Variants in DMD observed in about 807,000 individuals in gnomAD.
The protein encoded by DMD is dystrophin, also known as mutant dystrophin.
DMD carries 63 observed loss-of-function variants against 330.1 expected under a neutral mutation model. The ratio of observed to expected loss-of-function variants is 0.19; its 90% confidence interval spans 0.16 to 0.24. The LOEUF (loss-of-function observed/expected upper bound fraction) is 0.24, where lower values mean the gene tolerates loss of function less well. Ranked by LOEUF, DMD falls within the 10% of genes least tolerant of loss-of-function variation. DMD has a pLI of 1.00. For missense variants in DMD, 3,344 were observed against 2,684.1 expected (o/e 1.25, Z -5.43); for synonymous variants, 1,223 against 959.8 (o/e 1.27, Z -5.07).
In DMD at chrX:32,707,100, T is replaced by TAA. The variant is rs3838946; in HGVS notation, c.650-7809_650-7808dup. On this transcript the variant is annotated intron_variant, in intron 7 of 78. Coordinates refer to ENST00000357033, the MANE Select transcript of DMD (RefSeq NM_004006.3). Reference sequence around the variant, plus strand: ...GAGCAAGACTCCGTCTCGGAGGGGGTAAAAAAAAATCTATATTGAAAATAT... The same window carrying TAA: ...GAGCAAGACTCCGTCTCGGAGGGGGTAAAAAAAAAAATCTATATTGAAAATAT... 9.1e-3 allele frequency among the ~76,000 whole-genome samples: 982 copies of TAA among 107,752 alleles called. 10 individuals are homozygous for TAA. Among genetic ancestry groups the TAA allele is most frequent in the African/African-American group, 0.032 (946 of 29,248 alleles). 93.6% of individuals were successfully genotyped at this position (107,752 alleles called of 115,157 possible). A position where few individuals can be genotyped will look rare whatever the true frequency, so the allele number is the denominator to read the frequency against.
rs768197729 is a variant in DMD, at chrX:32,734,834, A to C, written c.650-35541T>G. ...TACTGAATGGGCAAAAACTGGAAGC[A>C]TTCCCTTTGAAAACTGGCACAAGAC... On this transcript the variant is annotated intron_variant, in intron 7 of 78. Transcript: ENST00000357033. Among the ~76,000 whole-genome samples the C allele has an allele frequency of 7.4e-3, 772 of 103,931 alleles. 7 individuals carry two copies. Among genetic ancestry groups the C allele is most frequent in the African/African-American group, 0.028 (743 of 26,633 alleles). 90.3% of individuals were successfully genotyped at this position (103,931 alleles called of 115,157 possible). A position where few individuals can be genotyped will look rare whatever the true frequency, so the allele number is the denominator to read the frequency against.
intron 44 of DMD, among the ~76,000 whole-genome samples, chrX:32,204,986 C>CTCTCTCTCTCTCTG: frequency 2.1e-5 from 1 of 46,640 alleles, no homozygotes; most frequent in African/African-American, 9.3e-5. Context: ...ATCTCTCTCT[C>CTCTCTCTCTCTCTG]TCTCTCTCTC....
intron 7 of DMD, among the ~76,000 whole-genome samples, chrX:32,785,991 C>A (rs976204235): frequency 1.8e-5 from 2 of 109,670 alleles, no homozygotes; most frequent in African/African-American, 6.6e-5. Flanking sequence ...CTTTGATTAA[C>A]AACTACAACA....
intron 51 of DMD, among the ~76,000 whole-genome samples, chrX:31,746,635 C>T (rs759165532): frequency 6.0e-4 from 67 of 111,313 alleles, no homozygotes; most frequent in African/African-American, 2.0e-3. Context: ...GAGGTTTCAG[C>T]CTTCTGATTT....
chrX:32,732,194 A>G (rs1479954507), intron 7 of DMD, among the ~76,000 whole-genome samples: 1 of 111,179 alleles, frequency 9.0e-6, no homozygotes, highest in Admixed American at 9.6e-5. Context: ...AAATGAACCG[A>G]GAAGGGAAGT....
At chrX:33,327,034 T>C (rs979137485) in intron 1 of DMD, among the ~76,000 whole-genome samples, 3 of 112,467 alleles carry the variant, frequency 2.7e-5, no homozygotes, top group African/African-American at 9.7e-5. Context: ...GCTTTATACA[T>C]TTAAGGAATT....
At chrX:33,164,505 C>T (rs2048957463) in intron 1 of DMD, among the ~76,000 whole-genome samples, 1 of 111,687 alleles carries the variant, frequency 9.0e-6, no homozygotes, top group East Asian at 2.8e-4. Context: ...CGTAAACTTC[C>T]GGGCTTACTT....
At chrX:32,572,972 C>T (rs775678837) in intron 15 of DMD, among the ~76,000 whole-genome samples, 1 of 111,276 alleles carries the variant, frequency 9.0e-6, no homozygotes. Flanking sequence ...CACTGGCTCC[C>T]CTTCTCCTTC....
At chrX:31,562,916 G>T (rs1392302521) in intron 55 of DMD, among the ~76,000 whole-genome samples, 2 of 111,881 alleles carry the variant, frequency 1.8e-5, no homozygotes, top group African/African-American at 6.5e-5. Context: ...TTCTTACATT[G>T]CATAAGCTAG....
At chrX:32,123,462 C>T (rs1028452578) in intron 44 of DMD, among the ~76,000 whole-genome samples, 1 of 107,286 alleles carries the variant, frequency 9.3e-6, no homozygotes, top group African/African-American at 3.4e-5. Flanking sequence ...CTGGGACCCA[C>T]ACTTTGAAAA....
At chrX:31,144,188 C>T (rs1214404616) in intron 76 of DMD, among the ~76,000 whole-genome samples, 2 of 111,984 alleles carry the variant, frequency 1.8e-5, no homozygotes, top group African/African-American at 6.5e-5. Context: ...AACTTCATCA[C>T]ATTTATTTCA....
intron 41 of DMD, among the ~76,000 whole-genome samples, chrX:32,329,588 G>A (rs961196374): frequency 8.9e-6 from 1 of 112,084 alleles, no homozygotes; most frequent in African/African-American, 3.2e-5. Context: ...AAAATATAGT[G>A]ACCGATATTA....
At chrX:31,401,448 A>C (rs902214025) in intron 60 of DMD, among the ~76,000 whole-genome samples, 1 of 112,444 alleles carries the variant, frequency 8.9e-6, no homozygotes, top group East Asian at 2.8e-4. Flanking sequence ...ATTTATCTGC[A>C]ACAATGAGTA....
intron 29 of DMD, among the ~76,000 whole-genome samples, chrX:32,434,742 T>C (rs1438125923): frequency 8.9e-6 from 1 of 111,915 alleles, no homozygotes; most frequent in East Asian, 2.8e-4. Flanking sequence ...TTGAAATTGA[T>C]CAAAGTGCTG....
At chrX:33,232,337 T>A (rs1019126677) in intron 1 of DMD, among the ~76,000 whole-genome samples, 3 of 112,003 alleles carry the variant, frequency 2.7e-5, no homozygotes, top group African/African-American at 9.7e-5. Context: ...TAATAAATAT[T>A]TGTTCAATAT....
chrX:32,279,139 C>T (rs2097402739), intron 43 of DMD, among the ~76,000 whole-genome samples: 1 of 111,561 alleles, frequency 9.0e-6, no homozygotes, highest in African/African-American at 3.3e-5. Context: ...ATTAAAACGA[C>T]ATATCCAAAA....
rs182374462 is a variant in DMD, at chrX:31,963,844, G to T, written c.6614+4495C>A. The stretch of plus-strand genomic sequence containing the variant: ...GCCAGCTGGTAAATGTTAAGATCAT[G>T]TCAGATTAGGAAAACCTCCATTTTG... On this transcript the variant is annotated intron_variant, in intron 45 of 78. Coordinates refer to ENST00000357033, the MANE Select transcript of DMD (RefSeq NM_004006.3). Among the ~76,000 whole-genome samples, 724 of 89,126 alleles carry T rather than the reference G, an allele frequency of 8.1e-3. 5 individuals are homozygous for T. The highest frequency in any genetic ancestry group is 0.01 in the Non-Finnish European group (487 of 46,913). 77.4% of individuals were successfully genotyped at this position (89,126 alleles called of 115,157 possible).
At position 31,932,203 on chromosome X, in the gene DMD, C is replaced by T. The variant is rs1414566832; in HGVS notation, c.6639G>A (p.Leu2213=). The change falls in exon 46 of 79, where the codon TTG becomes TTA. Residue 2213 remains leucine (L), a synonymous_variant. Transcript: ENST00000357033. ...KKRLEEQKNI[L]SEFQRDLNEF... Reference sequence around the variant, plus strand: ...CATTTAAATCTCTTTGAAATTCTGACAAGATATTCTTTTGTTCTTCTAGCC... The same window carrying T: ...CATTTAAATCTCTTTGAAATTCTGATAAGATATTCTTTTGTTCTTCTAGCC... 7 of 1,188,412 alleles carry T rather than the reference C, an allele frequency of 5.9e-6. No individual in the cohort carries two copies. The African/African-American group carries it at 8.8e-5, about 15-fold the overall frequency.
chrX:31,773,881 C>T lies in DMD; in HGVS notation c.7542+79G>A, dbSNP rs747986919. On this transcript the variant is annotated intron_variant, in intron 51 of 78. Coordinates refer to ENST00000357033, the MANE Select transcript of DMD (RefSeq NM_004006.3). ...TGCCTAAGAACTGGTGGGAAATGGT[C>T]TAGGAGAGTAAAGTGATTGGTGGAA... 2.8e-4 allele frequency: 248 copies of T among 892,009 alleles called. No homozygotes were observed. The African/African-American group carries it at 4.8e-3, about 17-fold the overall frequency. The allele number at this position is 892,009 out of a possible 1,213,427, so 73.5% of individuals were successfully genotyped here.
Sources: allele counts gnomAD v4.1 joint callset (sites outside exome capture counted in the v4.1 genomes callset), GRCh38; gene constraint gnomAD v4.1.1; transcripts MANE v1.5; gene names NCBI Gene and HGNC (gene_info 2026-07-23, HGNC 2026-07-21).